The following GLI2 variants were observed in gnomAD, a reference collection of about 807,000 sequenced individuals.
The protein encoded by GLI2 is GLI family zinc finger 2, also known as transcription activator GLI2.
In GLI2, 22 loss-of-function variants were observed where a neutral mutation model predicts 78.9. The observed-to-expected ratio is 0.28, with a 90% CI of 0.20 to 0.40. The LOEUF is 0.40. Ranked by LOEUF, GLI2 falls within the 10% of genes least tolerant of loss-of-function variation. GLI2 has a pLI of 1.00. For missense variants in GLI2, 2,097 were observed against 2,213.2 expected (o/e 0.95, Z 1.05); for synonymous variants, 974 against 963.7 (o/e 1.01, Z -0.20).
intron 3 of GLI2, among the ~76,000 whole-genome samples, chr2:120,937,747 T>C (rs2104905337): frequency 6.6e-6 from 1 of 152,192 alleles, no homozygotes; most frequent in Non-Finnish European, 1.5e-5. Flanking sequence ...CACACCCACC[T>C]CGAAGAAGAG....
rs78016286 is a variant in GLI2, at chr2:120,737,416, C to G, written c.-31+1131C>G. On this transcript the variant is annotated intron_variant, in intron 1 of 13. Coordinates refer to ENST00000361492, the MANE Select transcript of GLI2 (RefSeq NM_001374353.1). The surrounding 1 kb of genome is among the most constrained non-coding windows in gnomAD (Gnocchi z 4.3). ...GAGGCTCTCGGGGACCTCGAGCCCC[C>G]CCGAGGGTGCCTCTTTCCACTACCT... Among the ~76,000 whole-genome samples, 8,575 of 152,264 alleles carry G rather than the reference C, an allele frequency of 0.056. 385 individuals carry two copies. Among genetic ancestry groups the G allele is most frequent in the Admixed American group, 0.11 (1,683 of 15,300 alleles).
chr2:120,926,966 C>G (rs147869386), intron 2 of GLI2, among the ~76,000 whole-genome samples: 1,534 of 152,296 alleles, frequency 0.01, 14 homozygotes, highest in Non-Finnish European at 0.018. Flanking sequence ...ATCCGGATGC[C>G]GTAACCTGGT....
chr2:120,941,890 T>C (rs1444363990), intron 3 of GLI2, among the ~76,000 whole-genome samples: 4 of 152,082 alleles, frequency 2.6e-5, no homozygotes, highest in Admixed American at 1.3e-4. Context: ...TCAGTGACCA[T>C]GAAATCCAGG....
Position 120,943,502 on chromosome 2 carries a change from C to T in GLI2, c.255-7741C>T, listed in dbSNP as rs573830937. On this transcript the variant is annotated intron_variant, in intron 3 of 13. Transcript: ENST00000361492. ...GTGGTGAGATTTGTAGGCTCATATC[C>T]CCAAGTGACTGGGCCTCCTTTTCTC... Among the ~76,000 whole-genome samples, 9 of 152,284 alleles carry T rather than the reference C, an allele frequency of 5.9e-5. No homozygotes were observed. The South Asian group carries it at 1.9e-3, about 32-fold the overall frequency.
intron 1 of GLI2, among the ~76,000 whole-genome samples, chr2:120,762,710 C>A (rs1234588065): frequency 6.6e-6 from 1 of 152,170 alleles, no homozygotes; most frequent in Admixed American, 6.5e-5. Flanking sequence ...CAGGCCCTGG[C>A]CCCTGTCTTC....
intron 1 of GLI2, among the ~76,000 whole-genome samples, chr2:120,787,758 G>T (rs190721869): frequency 3.0e-4 from 45 of 152,364 alleles, no homozygotes; most frequent in South Asian, 8.3e-4. Context: ...CCCTCTGCTG[G>T]GTCAGCGGTG....
intron 2 of GLI2, among the ~76,000 whole-genome samples, chr2:120,911,131 T>C (rs1678796098): frequency 6.6e-6 from 1 of 152,188 alleles, no homozygotes; most frequent in Non-Finnish European, 1.5e-5. Flanking sequence ...TCATTTCTTC[T>C]TCCTGGTCCA....
chr2:120,901,594 T>C (rs1678259736), intron 2 of GLI2, among the ~76,000 whole-genome samples: 2 of 152,226 alleles, frequency 1.3e-5, no homozygotes, highest in African/African-American at 2.4e-5. Flanking sequence ...AAGACACCAA[T>C]GAAAGGCAAC....
intron 3 of GLI2, among the ~76,000 whole-genome samples, chr2:120,947,991 C>A (rs1680794372): frequency 6.6e-6 from 1 of 152,208 alleles, no homozygotes; most frequent in South Asian, 2.1e-4. Context: ...CTCCACTGCC[C>A]CTGATAGAAT....
chr2:120,972,044 C>T lies in GLI2; in HGVS notation c.1163C>T (p.Ser388Phe). Residue 388 changes from serine (S) to phenylalanine (F), a missense_variant, in exon 8 of 14, where the codon TCC (serine) becomes TTC (phenylalanine). Physicochemically the swap from Ser to Phe is radical, Grantham distance 155 (BLOSUM62 -2). Transcript: ENST00000361492. The part of the protein sequence containing the change: ...KTEPEGLRPA[S>F]PLALTQEQLA... ...GAGCCTGAGGGCCTGCGGCCGGCCT[C>T]CCCTCTGGCGCTGACGCAGGTAACC... 1.9e-6 allele frequency: 3 copies of T among 1,613,294 alleles called. No homozygotes were observed. Among genetic ancestry groups the T allele is most frequent in the Non-Finnish European group, 2.5e-6 (3 of 1,179,956 alleles).
chr2:120,795,551 A>G (rs1362852474), intron 1 of GLI2, among the ~76,000 whole-genome samples: 2 of 151,078 alleles, frequency 1.3e-5, no homozygotes, highest in African/African-American at 4.9e-5. Context: ...AAAAAAAACA[A>G]CATAAAACAG....
intron 3 of GLI2, among the ~76,000 whole-genome samples, chr2:120,937,666 GA>G (rs1680262921): frequency 6.6e-6 from 1 of 152,222 alleles, no homozygotes; most frequent in South Asian, 2.1e-4. Context: ...CTTCCAGGCA[GA>G]CACCAGTGCC....
At chr2:120,846,645 G>A (rs1422026956) in intron 2 of GLI2, among the ~76,000 whole-genome samples, 2 of 152,236 alleles carry the variant, frequency 1.3e-5, no homozygotes, top group African/African-American at 4.8e-5. Flanking sequence ...AGGCAGCCGT[G>A]TTTGGTTCCC....
intron 2 of GLI2, among the ~76,000 whole-genome samples, chr2:120,865,376 C>T (rs1187540079): frequency 6.6e-6 from 1 of 152,152 alleles, no homozygotes; most frequent in Non-Finnish European, 1.5e-5. Context: ...GAGTTCTGTC[C>T]TCGCCACTAG....
intron 2 of GLI2, among the ~76,000 whole-genome samples, chr2:120,901,366 A>G (rs1000790216): frequency 2.0e-5 from 3 of 152,234 alleles, no homozygotes; most frequent in African/African-American, 4.8e-5. Flanking sequence ...TCACATGAAA[A>G]TTGAGTGGAG....
chr2:120,980,244 C>T (rs138343795), intron 10 of GLI2, among the ~76,000 whole-genome samples: 19 of 152,300 alleles, frequency 1.2e-4, no homozygotes, highest in African/African-American at 4.6e-4. Flanking sequence ...TTTACCTTTC[C>T]ACCCACAATG....
At chr2:120,810,503 T>C (rs183634155) in intron 2 of GLI2, among the ~76,000 whole-genome samples, 1 of 152,252 alleles carries the variant, frequency 6.6e-6, no homozygotes, top group East Asian at 1.9e-4. Context: ...GGCCTCATCC[T>C]GTCCTCAGGG....
At chr2:120,937,427 A>G (rs557380739) in intron 3 of GLI2, among the ~76,000 whole-genome samples, 8 of 152,162 alleles carry the variant, frequency 5.3e-5, no homozygotes, top group African/African-American at 7.2e-5. Flanking sequence ...TGCTGCCCAC[A>G]TAGACCCCAT....
At chr2:120,929,727 A>G (rs1679860086) in intron 3 of GLI2, among the ~76,000 whole-genome samples, 1 of 152,174 alleles carries the variant, frequency 6.6e-6, no homozygotes, top group South Asian at 2.1e-4. Flanking sequence ...TTCGGTGTGC[A>G]TACCTGGTTC....
Sources: gnomAD v4.1 joint callset for allele counts (sites outside exome capture counted in the v4.1 genomes callset) on GRCh38, gnomAD v4.1.1 for gene constraint, Gnocchi (gnomAD v3.1) non-coding constraint, MANE v1.5 for transcripts, NCBI Gene and HGNC (gene_info 2026-07-23, HGNC 2026-07-21) for gene names.